ERC2: variants seen among roughly 807,000 people sequenced by gnomAD.
ERC2 encodes the protein ELKS/RAB6-interacting/CAST family member 2.
A neutral mutation model predicts 114.8 loss-of-function variants in ERC2; 42 were observed. The observed-to-expected ratio is 0.37, with a 90% CI of 0.29 to 0.47. The LOEUF is 0.47. ERC2 is among the 20% of genes least tolerant of loss of function. The pLI, the probability that ERC2 is intolerant of heterozygous loss-of-function variation, is 0.99. For missense variants in ERC2, 939 were observed against 1,150.7 expected (o/e 0.82, Z 2.66); for synonymous variants, 454 against 425.5 (o/e 1.07, Z -0.82).
chr3:55,793,782 A>C (rs955480587), intron 14 of ERC2, among the ~76,000 whole-genome samples: 4 of 152,206 alleles, frequency 2.6e-5, no homozygotes, highest in African/African-American at 9.6e-5. Flanking sequence ...ACCTCAGTAC[A>C]TCACTAATGA....
chr3:56,413,418 G>A (rs17056781), intron 2 of ERC2, among the ~76,000 whole-genome samples: 5,974 of 152,242 alleles, frequency 0.039, 190 homozygotes, highest in African/African-American at 0.094. Flanking sequence ...TGGGGTCAGC[G>A]CACAGCAGGT....
intron 17 of ERC2, among the ~76,000 whole-genome samples, chr3:55,602,747 A>T (rs1434282192): frequency 6.6e-6 from 1 of 151,992 alleles, no homozygotes; most frequent in Non-Finnish European, 1.5e-5. Flanking sequence ...TCAGATGTTC[A>T]TTCACCCCCC....
intron 17 of ERC2, among the ~76,000 whole-genome samples, chr3:55,512,389 A>G (rs994566562): frequency 1.3e-5 from 2 of 152,232 alleles, no homozygotes; most frequent in African/African-American, 4.8e-5. Flanking sequence ...AGCAGATCAT[A>G]TTACTCATTC....
intron 17 of ERC2, among the ~76,000 whole-genome samples, chr3:55,557,790 A>C (rs1363111254): frequency 6.6e-6 from 1 of 152,218 alleles, no homozygotes; most frequent in Non-Finnish European, 1.5e-5. Context: ...ACCTTTGCAC[A>C]TGCTGTTCTC....
At chr3:56,332,231 C>G (rs1462928484) in intron 2 of ERC2, among the ~76,000 whole-genome samples, 1 of 152,142 alleles carries the variant, frequency 6.6e-6, no homozygotes, top group Non-Finnish European at 1.5e-5. Context: ...CACAGAATTG[C>G]TTTTGCTCCA....
At chr3:55,866,436 T>C (rs1465146698) in intron 14 of ERC2, among the ~76,000 whole-genome samples, 5 of 152,222 alleles carry the variant, frequency 3.3e-5, no homozygotes, top group Non-Finnish European at 7.3e-5. Context: ...TTCTTGATAG[T>C]ATCGTTTGTA....
At chr3:56,197,626 T>A in intron 3 of ERC2, among the ~76,000 whole-genome samples, 1 of 152,210 alleles carries the variant, frequency 6.6e-6, no homozygotes, top group Non-Finnish European at 1.5e-5. Context: ...CTCCTCCACT[T>A]ACTATACATG....
chr3:55,675,918 T>C (rs113195886), intron 17 of ERC2, among the ~76,000 whole-genome samples: 2 of 110,092 alleles, frequency 1.8e-5, no homozygotes, highest in South Asian at 3.6e-4. Context: ...TTTTTTTTTT[T>C]TTTTTTTTTT....
intron 6 of ERC2, among the ~76,000 whole-genome samples, chr3:56,111,005 G>T (rs943981496): frequency 3.3e-5 from 5 of 152,046 alleles, no homozygotes; most frequent in African/African-American, 1.2e-4. Flanking sequence ...TTTCAAGGGG[G>T]TGGGGGTAGG....
chr3:56,035,617 C>G (rs1464155803), intron 7 of ERC2, among the ~76,000 whole-genome samples: 1 of 152,104 alleles, frequency 6.6e-6, no homozygotes, highest in African/African-American at 2.4e-5. Flanking sequence ...GGAGTTTGGC[C>G]CTTTATGCCT....
chr3:56,017,254 T>C (rs2073371980), intron 8 of ERC2, among the ~76,000 whole-genome samples: 1 of 151,978 alleles, frequency 6.6e-6, no homozygotes, highest in African/African-American at 2.4e-5. Context: ...ATATGCAAAC[T>C]CAACTCCAGG....
intron 14 of ERC2, among the ~76,000 whole-genome samples, chr3:55,777,084 AAAT>A: frequency 6.6e-6 from 1 of 152,160 alleles, no homozygotes; most frequent in South Asian, 2.1e-4. Context: ...CATAAAAAAA[AAAT>A]AATAACAGCA....
intron 7 of ERC2, among the ~76,000 whole-genome samples, chr3:56,062,795 A>T (rs1301417892): frequency 2.0e-5 from 3 of 152,114 alleles, no homozygotes; most frequent in African/African-American, 7.2e-5. Flanking sequence ...TTCTGGTCTC[A>T]ACTCTGACTT....
intron 2 of ERC2, among the ~76,000 whole-genome samples, chr3:56,396,199 G>T (rs1354303239): frequency 6.6e-6 from 1 of 152,280 alleles, no homozygotes; most frequent in South Asian, 2.1e-4. Flanking sequence ...TCTTCTAGGA[G>T]TTTATTCTTC....
At chr3:56,409,240 G>A (rs2060847043) in intron 2 of ERC2, among the ~76,000 whole-genome samples, 1 of 152,110 alleles carries the variant, frequency 6.6e-6, no homozygotes, top group Non-Finnish European at 1.5e-5. Context: ...CAAATTGTAT[G>A]CATTAATTAT....
At chr3:55,532,228 C>A (rs765753254) in intron 17 of ERC2, among the ~76,000 whole-genome samples, 1 of 152,204 alleles carries the variant, frequency 6.6e-6, no homozygotes, top group Non-Finnish European at 1.5e-5. Context: ...CTTGTCCCAG[C>A]TTTAACATGA....
In ERC2 at chr3:56,130,726, C is replaced by T. The variant is rs574156144; in HGVS notation, c.1473+8783G>A. Among the ~76,000 whole-genome samples, 564 of 152,288 alleles carry T rather than the reference C, an allele frequency of 3.7e-3. 3 individuals carry two copies. The highest frequency in any genetic ancestry group is 0.012 in the African/African-American group (509 of 41,560). ...GCTCCCTTCCATCACATTTCAATTTCTCCATCACAGGTCTTTCATGTTCTG... is the reference window on the plus strand; with the variant it reads ...GCTCCCTTCCATCACATTTCAATTTTTCCATCACAGGTCTTTCATGTTCTG... On this transcript the variant is annotated intron_variant, in intron 6 of 17. Transcript: ENST00000288221.
At chr3:55,529,410 A>T (rs2053534694) in intron 17 of ERC2, among the ~76,000 whole-genome samples, 1 of 152,230 alleles carries the variant, frequency 6.6e-6, no homozygotes, top group African/African-American at 2.4e-5. Flanking sequence ...AGGAAAGAGA[A>T]CTGGGATTAT....
chr3:55,548,379 T>A (rs2054908094), intron 17 of ERC2, among the ~76,000 whole-genome samples: 1 of 152,268 alleles, frequency 6.6e-6, no homozygotes, highest in Non-Finnish European at 1.5e-5. Flanking sequence ...GGTCAGTTGT[T>A]ACAGGAGATG....
Sources: allele counts gnomAD v4.1 joint callset (sites outside exome capture counted in the v4.1 genomes callset), GRCh38; gene constraint gnomAD v4.1.1; transcripts MANE v1.5; gene names NCBI Gene and HGNC (gene_info 2026-07-23, HGNC 2026-07-21).